Variants in CDK5RAP1 observed in about 807,000 individuals in gnomAD.
CDK5RAP1 encodes CDK5RAP1 mitochondrial tRNA methylthiotransferase.
CDK5RAP1 carries 62 observed loss-of-function variants against 64.5 expected under a neutral mutation model. The ratio of observed to expected loss-of-function variants is 0.96; its 90% CI spans 0.78 to 1.19. CDK5RAP1 has a LOEUF of 1.19. CDK5RAP1 is among the 50% of genes most tolerant of loss of function. The pLI, the probability that CDK5RAP1 is intolerant of heterozygous loss-of-function variation, is 0.00. For missense variants in CDK5RAP1, 657 were observed against 735.0 expected (o/e 0.89, Z 1.23); for synonymous variants, 250 against 261.9 (o/e 0.95, Z 0.44).
At chr20:33,367,114 G>C in intron 11 of CDK5RAP1, 106 bp from the exon 12 acceptor site, 1 of 1,143,226 alleles carries the variant, frequency 8.7e-7, no homozygotes, top group South Asian at 1.6e-5. Context: ...ACAAGTAACA[G>C]ACACATGTAC....
chr20:33,396,794 T>A lies in CDK5RAP1; in HGVS notation c.271A>T (p.Met91Leu). Residue 91 changes from methionine to leucine, a missense_variant, in exon 2 of 14, where the codon ATG becomes TTG. Met to Leu is a conservative substitution (Grantham distance 15). Transcript: ENST00000346416. The stretch of plus-strand genomic sequence containing the variant: ...TGCCTTCCAAGAAGTTCATCCATCA[T>A]GAGATAGGGAGGTGGGTCTTCCACT... ...SEVEDPPPYL[M>L]MDELLGRQRK... The A allele has an allele frequency of 6.2e-7, 1 of 1,606,446 alleles. No homozygotes were observed. Among genetic ancestry groups the A allele is most frequent in the Non-Finnish European group, 8.5e-7 (1 of 1,173,428 alleles).
At chr20:33,399,761 G>A (rs151310973) in intron 1 of CDK5RAP1, among the ~76,000 whole-genome samples, 27 of 152,316 alleles carry the variant, frequency 1.8e-4, no homozygotes, top group African/African-American at 6.3e-4. Context: ...TGCGGTGGCT[G>A]ACATCTATAA....
chr20:33,396,212 A>G (rs1401100366), intron 2 of CDK5RAP1, among the ~76,000 whole-genome samples: 1 of 152,218 alleles, frequency 6.6e-6, no homozygotes, highest in Non-Finnish European at 1.5e-5. Flanking sequence ...TTCATCTTAA[A>G]TGAAAGCAAG....
chr20:33,362,076 G>A (rs1420966565), intron 12 of CDK5RAP1, among the ~76,000 whole-genome samples: 1 of 152,020 alleles, frequency 6.6e-6, no homozygotes, highest in Non-Finnish European at 1.5e-5. Context: ...GGTGGAGGTG[G>A]GTGGAAGAGG....
intron 10 of CDK5RAP1, 78 bp from the exon 11 acceptor site, chr20:33,370,707 C>A: frequency 6.7e-7 from 1 of 1,495,482 alleles, no homozygotes. Flanking sequence ...ATGTGGATTA[C>A]AAGGGAGGGA....
chr20:33,392,484 T>A (rs985042222), intron 4 of CDK5RAP1, among the ~76,000 whole-genome samples: 3 of 148,418 alleles, frequency 2.0e-5, no homozygotes, highest in South Asian at 2.1e-4. Context: ...TTTTTTTTTT[T>A]AGCTCATCAG....
intron 8 of CDK5RAP1, among the ~76,000 whole-genome samples, chr20:33,378,897 C>T (rs1049059636): frequency 6.6e-6 from 1 of 152,162 alleles, no homozygotes; most frequent in African/African-American, 2.4e-5. Flanking sequence ...CCTCACGGTC[C>T]CGCAGGTGGT....
chr20:33,398,510 A>T (rs759374194), intron 1 of CDK5RAP1, among the ~76,000 whole-genome samples: 24 of 152,060 alleles, frequency 1.6e-4, no homozygotes, highest in Non-Finnish European at 2.6e-4. Context: ...AAAATAAAAG[A>T]TATTCAATGC....
At position 33,386,590 on chromosome 20, in the gene CDK5RAP1, C is replaced by T. The variant is rs554007838; in HGVS notation, c.755+733G>A. 2.6e-4 allele frequency among the ~76,000 whole-genome samples: 39 copies of T among 152,236 alleles called. No individual in the cohort carries two copies. The East Asian group carries it at 7.1e-3, about 28-fold the overall frequency. On this transcript the variant is annotated intron_variant, in intron 6 of 13. Transcript: ENST00000346416. ...ACTGTTAGGTATCGAAGTTAAATCG[C>T]TCTCTTTAATTCACATCCTGTATGT... is the stretch of plus-strand genomic sequence containing the variant.
At chr20:33,361,140 A>C (rs1055121165) in intron 12 of CDK5RAP1, among the ~76,000 whole-genome samples, 1 of 152,186 alleles carries the variant, frequency 6.6e-6, no homozygotes, top group Non-Finnish European at 1.5e-5. Flanking sequence ...CAAGACTGTG[A>C]GCTGTGAGAG....
chr20:33,371,147 A>T (rs1443879490), intron 10 of CDK5RAP1, among the ~76,000 whole-genome samples: 2 of 151,860 alleles, frequency 1.3e-5, no homozygotes, highest in Non-Finnish European at 2.9e-5. Flanking sequence ...ACAAAAATTG[A>T]CCAGGCAGGG....
At chr20:33,367,038 G>A in intron 11 of CDK5RAP1, 30 bp from the exon 12 acceptor site, 4 of 1,592,070 alleles carry the variant, frequency 2.5e-6, no homozygotes, top group Non-Finnish European at 3.4e-6. Context: ...GAGAGAAGAT[G>A]GAGGTCACCA....
In CDK5RAP1 at chr20:33,379,806, C is replaced by T. The variant is rs749213554; in HGVS notation, c.877-115G>A. On this transcript the variant is annotated intron_variant, in intron 7 of 13. Transcript: ENST00000346416. ...CTTTTGTTTTAAACAAAAGAAAAAT[C>T]GAACCTACCAAGAGTCACCTATAAG... The T allele has an allele frequency of 1.4e-5, 11 of 759,894 alleles. No homozygotes were observed. In the Admixed American group the frequency reaches 2.2e-4, roughly 15 times the overall value. 47.1% of individuals were successfully genotyped at this position (759,894 alleles called of 1,614,324 possible).
intron 12 of CDK5RAP1, among the ~76,000 whole-genome samples, chr20:33,366,522 G>C (rs993342179): frequency 6.6e-6 from 1 of 152,078 alleles, no homozygotes; most frequent in South Asian, 2.1e-4. Context: ...AGAGGCAAGA[G>C]AATCGCTTGA....
rs1985558520 is a variant in CDK5RAP1 at position 33,374,109 on chromosome 20, C to A, written c.1205+6G>T. 3.1e-6 allele frequency: 5 copies of A among 1,606,724 alleles called. No individual in the cohort carries two copies. The highest frequency in any genetic ancestry group is 4.3e-6 in the Non-Finnish European group (5 of 1,173,584). On this transcript the variant is annotated splice_donor_region_variant and intron_variant, in intron 9 of 13. Transcript: ENST00000346416. The stretch of plus-strand genomic sequence containing the variant: ...GAGGGATGCCCCCTCTCCAAGCAAG[C>A]CTGACCCCCTCCGCATGGCCTCCAA...
At chr20:33,361,994 G>T (rs909369214) in intron 12 of CDK5RAP1, among the ~76,000 whole-genome samples, 1 of 151,528 alleles carries the variant, frequency 6.6e-6, no homozygotes, top group African/African-American at 2.4e-5. Flanking sequence ...GGGAGAGAGG[G>T]AGGGAACAAT....
chr20:33,366,862 T>G lies in CDK5RAP1; in HGVS notation c.1539A>C (p.Glu513Asp). Residue 513 changes from glutamate (E) to aspartate (D), a missense_variant, in exon 12 of 14, where the codon GAA becomes GAC. Coordinates refer to ENST00000346416, the MANE Select transcript of CDK5RAP1 (RefSeq NM_016408.4). ...SVGCTQLVLV[E>D]GLSKRSATDL... ...ACACACACACATATGGCCTCACCCC[T>G]TCCACTAGCACCAACTGGGTACAGC... 6.2e-7 allele frequency: 1 copy of G among 1,612,222 alleles called. No homozygotes were observed. The highest frequency in any genetic ancestry group is 8.5e-7 in the Non-Finnish European group (1 of 1,179,476).
chr20:33,379,636 G>T lies in CDK5RAP1; in HGVS notation c.932C>A (p.Ser311Ter), dbSNP rs757422584. ...CACTGCACTGTTGAACTGGACCTCC[G>T]AATTGTCCCGAAAACTATTAACATT... Reference protein sequence around the residue: ...GQNVNSFRDNSEVQFNSAVPT... With the variant: ...GQNVNSFRDN The change falls in exon 8 of 14, where the codon TCG (serine) becomes TAG (stop). Residue 311 changes from serine (S) to a stop codon, truncating the protein, a stop_gained. Transcript: ENST00000346416. LOFTEE classifies it high-confidence loss of function. The T allele has an allele frequency of 1.4e-5, 22 of 1,613,898 alleles. No individual in the cohort carries two copies. In the African/African-American group the frequency reaches 2.4e-4, roughly 18 times the overall value.
rs145003210 is a variant in CDK5RAP1, at chr20:33,360,972, T to C, written c.1543-481A>G. Among the ~76,000 whole-genome samples, 3 of 152,326 alleles carry C rather than the reference T, an allele frequency of 2.0e-5. No homozygotes were observed. The East Asian group carries it at 5.8e-4, about 29-fold the overall frequency. ...AGAGCCAGGAAGATACTAACATCACTATGATGGGATTAACTTCTAGAGTCT... is the reference window on the plus strand; with the variant it reads ...AGAGCCAGGAAGATACTAACATCACCATGATGGGATTAACTTCTAGAGTCT... On this transcript the variant is annotated intron_variant, in intron 12 of 13. Coordinates refer to ENST00000346416, the MANE Select transcript of CDK5RAP1 (RefSeq NM_016408.4).
Sources: gnomAD v4.1 joint callset for allele counts (sites outside exome capture counted in the v4.1 genomes callset) on GRCh38, gnomAD v4.1.1 for gene constraint, MANE v1.5 for transcripts, NCBI Gene and HGNC (gene_info 2026-07-23, HGNC 2026-07-21) for gene names.